Variants in CEMIP2 observed in about 807,000 individuals in gnomAD.
CEMIP2 encodes the protein cell surface hyaluronidase CEMIP2.
In CEMIP2, 79 loss-of-function variants were observed where a neutral mutation model predicts 146.9. The observed-to-expected ratio is 0.54, with a 90% CI of 0.45 to 0.65. The LOEUF is 0.65. Among genes scored for constraint, CEMIP2 ranks in the 30% least tolerant of loss-of-function variants. The pLI is 0.00. For missense variants in CEMIP2, 1,596 were observed against 1,696.2 expected, an observed-to-expected ratio of 0.94 and a Z score of 1.04; for synonymous variants, 601 against 606.3, an observed-to-expected ratio of 0.99 and a Z score of 0.13.
intron 16 of CEMIP2, among the ~76,000 whole-genome samples, chr9:71,711,028 G>A (rs1822891017): frequency 6.6e-6 from 1 of 152,174 alleles, no homozygotes; most frequent in Non-Finnish European, 1.5e-5. Flanking sequence ...GTGGCTGCCT[G>A]TGGGAACAGG....
rs369379246 is a variant in CEMIP2, at chr9:71,730,372, A to T, written c.1774-119T>A. The T allele has an allele frequency of 8.0e-5, 78 of 978,670 alleles. 1 individual carries two copies. The South Asian group carries it at 1.0e-3, about 13-fold the overall frequency. The allele number at this position is 978,670 out of a possible 1,614,324, so 60.6% of individuals were successfully genotyped here. A position where few individuals can be genotyped will look rare whatever the true frequency, so the allele number is the denominator to read the frequency against. On this transcript the variant is annotated intron_variant, in intron 8 of 23. Coordinates refer to ENST00000377044, the MANE Select transcript of CEMIP2 (RefSeq NM_013390.3). Reference sequence around the variant, plus strand: ...TGGAAAAACAGGTTTGAACCTTAGCAGAATGGGCAAAGTGAAATGTCAGGC... The same window carrying T: ...TGGAAAAACAGGTTTGAACCTTAGCTGAATGGGCAAAGTGAAATGTCAGGC...
intron 4 of CEMIP2, among the ~76,000 whole-genome samples, chr9:71,741,222 G>A (rs1396421174): frequency 2.0e-5 from 2 of 101,150 alleles, no homozygotes; most frequent in African/African-American, 3.8e-5. Context: ...TTGAGATGGA[G>A]TTTCGCTCTT....
chr9:71,728,231 CTA>C (rs767770130), intron 10 of CEMIP2, among the ~76,000 whole-genome samples: 283 of 14,726 alleles, frequency 0.019, 14 homozygotes, highest in African/African-American at 0.033. Context: ...CTCTCTCTCT[CTA>C]TATATATATA....
At chr9:71,766,138 G>A (rs552753766) in intron 1 of CEMIP2, among the ~76,000 whole-genome samples, 9 of 149,728 alleles carry the variant, frequency 6.0e-5, no homozygotes, top group Non-Finnish European at 1.2e-4. Context: ...GCACGATCTC[G>A]GCTCACTGCA....
chr9:71,765,258 C>A (rs551098899), intron 1 of CEMIP2, among the ~76,000 whole-genome samples: 1 of 152,132 alleles, frequency 6.6e-6, no homozygotes, highest in Admixed American at 6.5e-5. Flanking sequence ...TAGCTGAGAC[C>A]TGATTAAGCT....
At chr9:71,701,444 T>G (rs1468933822) in intron 18 of CEMIP2, among the ~76,000 whole-genome samples, 1 of 152,120 alleles carries the variant, frequency 6.6e-6, no homozygotes, top group African/African-American at 2.4e-5. Flanking sequence ...GAAAGAACAT[T>G]AAAAAGTTGG....
At chr9:71,707,304 T>C (rs996567531) in intron 17 of CEMIP2, among the ~76,000 whole-genome samples, 8 of 151,916 alleles carry the variant, frequency 5.3e-5, no homozygotes, top group African/African-American at 1.9e-4. Context: ...TAATTCTCCA[T>C]CCCTTCTGGG....
At chr9:71,691,411 C>G (rs1822222002) in intron 21 of CEMIP2, among the ~76,000 whole-genome samples, 2 of 138,822 alleles carry the variant, frequency 1.4e-5, no homozygotes, top group African/African-American at 2.9e-5. Flanking sequence ...GAGTGAGACT[C>G]TGTCTCAGGA....
At chr9:71,711,509 G>A (rs1822904452) in intron 16 of CEMIP2, among the ~76,000 whole-genome samples, 2 of 151,668 alleles carry the variant, frequency 1.3e-5, no homozygotes, top group Non-Finnish European at 2.9e-5. Context: ...TCCAATTGAG[G>A]TTGAAGCTGC....
At chr9:71,741,784 G>A (rs569733055) in intron 4 of CEMIP2, among the ~76,000 whole-genome samples, 2 of 151,580 alleles carry the variant, frequency 1.3e-5, no homozygotes, top group Non-Finnish European at 2.9e-5. Context: ...GATTACGGGT[G>A]CCCACCACCA....
Position 71,728,277 on chromosome 9 carries a change from A to ATG in CEMIP2, c.2049+1567_2049+1568insCA, listed in dbSNP as rs1452718074. Among the ~76,000 whole-genome samples, 38 of 10,770 alleles carry ATG rather than the reference A, an allele frequency of 3.5e-3. 3 individuals carry two copies. The highest frequency in any genetic ancestry group is 0.023 in the East Asian group (4 of 174). 7.1% of individuals were successfully genotyped at this position (10,770 alleles called of 152,430 possible). On this transcript the variant is annotated intron_variant, in intron 10 of 23. Coordinates refer to ENST00000377044, the MANE Select transcript of CEMIP2 (RefSeq NM_013390.3). ...TATATACACGTATATATATATATAT[A>ATG]TATGTATATATATATATATATATAC...
chr9:71,754,634 T>C lies in CEMIP2; in HGVS notation c.-12-4249A>G, dbSNP rs112396513. Among the ~76,000 whole-genome samples, 618 of 152,326 alleles carry C rather than the reference T, an allele frequency of 4.1e-3. 1 individual carries two copies. Among genetic ancestry groups the C allele is most frequent in the African/African-American group, 0.015 (603 of 41,572 alleles). The stretch of plus-strand genomic sequence containing the variant: ...TCCAAAATGGGGATAATCTAAGTCA[T>C]TCATATTAAAATTGGCAATGTACTC... On this transcript the variant is annotated intron_variant, in intron 1 of 23. Coordinates refer to ENST00000377044, the MANE Select transcript of CEMIP2 (RefSeq NM_013390.3).
At chr9:71,708,602 T>C (rs1049789881) in intron 17 of CEMIP2, among the ~76,000 whole-genome samples, 4 of 152,236 alleles carry the variant, frequency 2.6e-5, no homozygotes, top group Admixed American at 1.3e-4. Context: ...TAACCATATA[T>C]ACTACGTTGC....
intron 20 of CEMIP2, 87 bp downstream of exon 20, chr9:71,697,897 TA>T: frequency 7.5e-7 from 1 of 1,337,422 alleles, no homozygotes; most frequent in Admixed American, 2.1e-5. Flanking sequence ...ATGGGCAATA[TA>T]GATGTTTCAA....
At chr9:71,724,698 T>G (rs1823331849) in intron 11 of CEMIP2, among the ~76,000 whole-genome samples, 1 of 152,196 alleles carries the variant, frequency 6.6e-6, no homozygotes, top group Non-Finnish European at 1.5e-5. Context: ...TGGAAACTCC[T>G]AATGGCCTTT....
At chr9:71,712,478 T>C (rs1387132614) in intron 15 of CEMIP2, 3 of 527,564 alleles carry the variant, frequency 5.7e-6, no homozygotes, top group African/African-American at 3.8e-5. Context: ...ATAAGTGCTA[T>C]AGAGACCATA....
chr9:71,730,628 A>C, intron 8 of CEMIP2, 77 bp downstream of exon 8: 2 of 1,448,002 alleles, frequency 1.4e-6, no homozygotes, highest in South Asian at 2.5e-5. Context: ...TTACATATAT[A>C]AAATTGAGAA....
At position 71,746,288 on chromosome 9, in the gene CEMIP2, A is replaced by C; in HGVS notation, c.385T>G (p.Ser129Ala). 1.2e-6 allele frequency: 2 copies of C among 1,613,994 alleles called. No homozygotes were observed. Among genetic ancestry groups the C allele is most frequent in the South Asian group, 1.1e-5 (1 of 91,084 alleles). The change falls in exon 3 of 24, where the codon TCT becomes GCT. Residue 129 changes from serine to alanine, a missense_variant. Ser to Ala is a moderately conservative substitution (Grantham distance 99). Transcript: ENST00000377044. Reference protein sequence around the residue: ...RLRNWDPGQDSAKQVVIKEGD... With the variant: ...RLRNWDPGQDAAKQVVIKEGD... Reference sequence around the variant, plus strand: ...TCCTTGATAACAACTTGCTTTGCAGAATCTTGTCCTGGATCCCAATTCCTG... The same window carrying C: ...TCCTTGATAACAACTTGCTTTGCAGCATCTTGTCCTGGATCCCAATTCCTG...
intron 5 of CEMIP2, among the ~76,000 whole-genome samples, chr9:71,737,456 G>A (rs986926732): frequency 2.0e-5 from 3 of 151,930 alleles, no homozygotes; most frequent in Admixed American, 1.3e-4. Flanking sequence ...AACTCTAAGG[G>A]ATGACAATAT....
Sources: gnomAD v4.1 joint callset for allele counts (sites outside exome capture counted in the v4.1 genomes callset) on GRCh38, gnomAD v4.1.1 for gene constraint, MANE v1.5 for transcripts, NCBI Gene and HGNC (gene_info 2026-07-23, HGNC 2026-07-21) for gene names.